MYO1B: variants seen among roughly 807,000 people sequenced by gnomAD.
MYO1B encodes the protein unconventional myosin-Ib.
In MYO1B, 72 loss-of-function variants were observed where a neutral mutation model predicts 159.7. That is an observed-to-expected ratio of 0.45 (90% CI 0.37 to 0.55). The LOEUF (loss-of-function observed/expected upper bound fraction) is 0.55. Among genes scored for constraint, MYO1B ranks in the 20% least tolerant of loss-of-function variants. MYO1B has a pLI of 0.00. For missense variants in MYO1B, 1,062 were observed against 1,364.8 expected, an observed-to-expected ratio of 0.78 and a Z score of 3.50; for synonymous variants, 468 against 473.8, an observed-to-expected ratio of 0.99 and a Z score of 0.16.
At chr2:191,323,476 A>G (rs953275668) in intron 3 of MYO1B, among the ~76,000 whole-genome samples, 1 of 152,174 alleles carries the variant, frequency 6.6e-6, no homozygotes, top group African/African-American at 2.4e-5. Context: ...TAACATTCAG[A>G]TAGTATGATT....
chr2:191,350,283 T>A, intron 7 of MYO1B, 58 bp downstream of exon 7: 1 of 1,281,042 alleles, frequency 7.8e-7, no homozygotes, highest in Non-Finnish European at 1.1e-6. Context: ...CATATATTTA[T>A]AGTAGAATAG....
intron 30 of MYO1B, among the ~76,000 whole-genome samples, chr2:191,420,175 C>T (rs920054986): frequency 3.3e-5 from 5 of 152,120 alleles, no homozygotes; most frequent in African/African-American, 1.2e-4. Flanking sequence ...TGAACTCCAG[C>T]CTGGGAGACA....
At position 191,273,117 on chromosome 2, in the gene MYO1B, T is replaced by G. The variant is rs78004314; in HGVS notation, c.-9-3770T>G. Among the ~76,000 whole-genome samples, 1,293 of 152,222 alleles carry G rather than the reference T, an allele frequency of 8.5e-3. 19 individuals are homozygous for G. The highest frequency in any genetic ancestry group is 0.03 in the African/African-American group (1,242 of 41,522). The stretch of plus-strand genomic sequence containing the variant: ...GTACTAATAATTCTAGGTAATTTTC[T>G]TTTTCTCTTTTTTTCTTTTGAGACA... On this transcript the variant is annotated intron_variant, in intron 1 of 30. Coordinates refer to ENST00000392318, the MANE Select transcript of MYO1B (RefSeq NM_001130158.3).
chr2:191,321,623 C>T (rs1372244691), intron 3 of MYO1B, among the ~76,000 whole-genome samples: 1 of 152,154 alleles, frequency 6.6e-6, no homozygotes, highest in Non-Finnish European at 1.5e-5. Context: ...AATTTCTGGA[C>T]AGGGGAAATA....
intron 3 of MYO1B, among the ~76,000 whole-genome samples, chr2:191,316,871 T>C (rs1427040710): frequency 6.6e-6 from 1 of 152,208 alleles, no homozygotes; most frequent in African/African-American, 2.4e-5. Context: ...CTAGGCAGTC[T>C]TCTAGCAATT....
At chr2:191,310,706 A>T (rs934445684) in intron 3 of MYO1B, among the ~76,000 whole-genome samples, 3 of 152,224 alleles carry the variant, frequency 2.0e-5, no homozygotes, top group Non-Finnish European at 4.4e-5. Flanking sequence ...AGGATTATGA[A>T]GGTTATTCCA....
chr2:191,266,892 G>GA (rs987981426), intron 1 of MYO1B, among the ~76,000 whole-genome samples: 1 of 152,168 alleles, frequency 6.6e-6, no homozygotes, highest in African/African-American at 2.4e-5. Flanking sequence ...ACACAGTTGG[G>GA]AAAAAACTTT....
At chr2:191,260,085 G>A (rs1686703531) in intron 1 of MYO1B, among the ~76,000 whole-genome samples, 1 of 151,964 alleles carries the variant, frequency 6.6e-6, no homozygotes, top group South Asian at 2.1e-4. Context: ...GAATGGAGAA[G>A]CACTAAGGAA....
Position 191,364,229 on chromosome 2 carries a change from G to A in MYO1B, c.985G>A (p.Val329Ile), listed in dbSNP as rs1221547901. The change falls in exon 11 of 31, where the codon GTT becomes ATT. Residue 329 changes from valine to isoleucine, a missense_variant. Physicochemically the swap from Val to Ile is conservative, Grantham distance 29. Coordinates refer to ENST00000392318, the MANE Select transcript of MYO1B (RefSeq NM_001130158.3). ...VLERAFSFRTVEAKQEKVSTT... is the reference protein window; with the variant it reads ...VLERAFSFRTIEAKQEKVSTT... ...AGAACGAGCATTCAGTTTCCGAACA[G>A]TTGAGGCCAAACAGGAGAAAGTTTC... The A allele has an allele frequency of 1.2e-6, 2 of 1,613,846 alleles. No individual in the cohort carries two copies. Among genetic ancestry groups the A allele is most frequent in the Non-Finnish European group, 1.7e-6 (2 of 1,179,882 alleles).
intron 2 of MYO1B, among the ~76,000 whole-genome samples, chr2:191,294,063 G>T (rs763720716): frequency 4.6e-5 from 7 of 152,132 alleles, no homozygotes; most frequent in Non-Finnish European, 8.8e-5. Flanking sequence ...ACATCATGGT[G>T]GGCCAGACAC....
In MYO1B at chr2:191,388,944, A is replaced by G. The variant is rs1996428; in HGVS notation, c.1782-1348A>G. Among the ~76,000 whole-genome samples the G allele has an allele frequency of 6.2e-3, 940 of 152,130 alleles. 6 individuals are homozygous for G. Among genetic ancestry groups the G allele is most frequent in the African/African-American group, 0.022 (902 of 41,490 alleles). On this transcript the variant is annotated intron_variant, in intron 17 of 30. Transcript: ENST00000392318. Reference sequence around the variant, plus strand: ...TAATAAACCCCAAGGTTGTGAATATATTATCGTATATTTTCTTCTAGAAGC... The same window carrying G: ...TAATAAACCCCAAGGTTGTGAATATGTTATCGTATATTTTCTTCTAGAAGC...
At chr2:191,334,991 G>A (rs1178727791) in intron 4 of MYO1B, among the ~76,000 whole-genome samples, 4 of 152,046 alleles carry the variant, frequency 2.6e-5, no homozygotes, top group Admixed American at 2.0e-4. Context: ...ACTTGGAGTC[G>A]TGCTGGTCCT....
chr2:191,364,379 G>A (rs1693863543), intron 11 of MYO1B, 103 bp downstream of exon 11: 13 of 899,628 alleles, frequency 1.4e-5, no homozygotes, highest in South Asian at 7.5e-5. Context: ...TACCTGAATC[G>A]TACTATGTTC....
In MYO1B at chr2:191,381,518, C is replaced by A. The variant is rs746717049; in HGVS notation, c.1242C>A (p.Ile414=). The change falls in exon 14 of 31, where the codon ATC becomes ATA. Residue 414 remains isoleucine (I), a synonymous_variant. Transcript: ENST00000392318. ...INYCNEKLQQ[I]FIELTLKEEQ... ...ATTGTAACGAAAAGCTGCAACAAAT[C>A]TTCATTGAACTTACTCTTAAAGAAG... is the stretch of plus-strand genomic sequence containing the variant. 1.9e-6 allele frequency: 3 copies of A among 1,613,484 alleles called. No individual in the cohort carries two copies. The highest frequency in any genetic ancestry group is 2.5e-6 in the Non-Finnish European group (3 of 1,179,762).
At chr2:191,363,969 A>C in intron 10 of MYO1B, 94 bp downstream of exon 10, 1 of 1,506,972 alleles carries the variant, frequency 6.6e-7, no homozygotes, top group Non-Finnish European at 9.2e-7. Context: ...TTTGCTTTGC[A>C]TTGGTTTGAG....
intron 19 of MYO1B, 122 bp from the exon 20 acceptor site, chr2:191,392,951 A>C: frequency 2.5e-6 from 2 of 792,078 alleles, no homozygotes; most frequent in Non-Finnish European, 4.0e-6. Context: ...ATGGTTTTTC[A>C]GTTCTTTTTT....
At chr2:191,298,692 A>C (rs1457639469) in intron 3 of MYO1B, among the ~76,000 whole-genome samples, 1 of 152,222 alleles carries the variant, frequency 6.6e-6, no homozygotes, top group Non-Finnish European at 1.5e-5. Flanking sequence ...ATTTATGGCT[A>C]ATATTTTATT....
chr2:191,301,270 C>G (rs55997256), intron 3 of MYO1B, among the ~76,000 whole-genome samples: 80,097 of 151,670 alleles, frequency 0.53, 21,856 homozygotes, highest in East Asian at 0.65. Flanking sequence ...GAGGACATTT[C>G]AGAAACATTT....
chr2:191,249,905 G>T lies in MYO1B; in HGVS notation c.-10+4279G>T, dbSNP rs186874127. On this transcript the variant is annotated intron_variant, in intron 1 of 30. Transcript: ENST00000392318. Reference sequence around the variant, plus strand: ...CACATGGTTTGCTAAACTCTAACAGGTGAGCACCTTCCAACTTACCATAAG... The same window carrying T: ...CACATGGTTTGCTAAACTCTAACAGTTGAGCACCTTCCAACTTACCATAAG... Among the ~76,000 whole-genome samples the T allele has an allele frequency of 8.3e-4, 126 of 152,248 alleles. 3 individuals are homozygous for T. In the South Asian group the frequency reaches 0.017, roughly 20 times the overall value.
Sources: allele counts gnomAD v4.1 joint callset (sites outside exome capture counted in the v4.1 genomes callset), GRCh38; gene constraint gnomAD v4.1.1; transcripts MANE v1.5; gene names NCBI Gene and HGNC (gene_info 2026-07-23, HGNC 2026-07-21).